CSMD1: variants seen among roughly 807,000 people sequenced by gnomAD.
CSMD1 encodes the protein CUB and sushi domain-containing protein 1.
A neutral mutation model predicts 417.5 loss-of-function variants in CSMD1; 213 were observed. The ratio of observed to expected loss-of-function variants is 0.51; its 90% CI spans 0.46 to 0.57. The LOEUF is 0.57. CSMD1 is among the 20% of genes least tolerant of loss of function. The pLI is 0.00. For synonymous variants in CSMD1, 2,862 were observed against 1,736.8 expected (o/e 1.65, Z -16.11); for missense variants, 6,923 against 4,529.7 (o/e 1.53, Z -15.17).
At chr8:3,944,667 G>C (rs986922888) in intron 5 of CSMD1, among the ~76,000 whole-genome samples, 2 of 152,214 alleles carry the variant, frequency 1.3e-5, no homozygotes, top group African/African-American at 2.4e-5. Context: ...TTGGGGAATG[G>C]TGGGAAATAA....
At chr8:4,028,819 C>A (rs1797197220) in intron 4 of CSMD1, among the ~76,000 whole-genome samples, 1 of 152,118 alleles carries the variant, frequency 6.6e-6, no homozygotes, top group African/African-American at 2.4e-5. Context: ...TCATTAAGAC[C>A]TCAATAAATG....
intron 2 of CSMD1, among the ~76,000 whole-genome samples, chr8:4,613,848 GCTGT>G (rs1192286952): frequency 1.0e-4 from 14 of 135,110 alleles, no homozygotes; most frequent in South Asian, 2.5e-4. Flanking sequence ...AAAGCAGAAG[GCTGT>G]CTAATGCCAA....
intron 17 of CSMD1, among the ~76,000 whole-genome samples, chr8:3,395,041 C>G (rs1231696721): frequency 6.6e-6 from 1 of 151,922 alleles, no homozygotes; most frequent in African/African-American, 2.4e-5. Context: ...TTTAAATGTG[C>G]TGGAGTGGGG....
At chr8:4,426,896 C>T (rs1228789229) in intron 2 of CSMD1, among the ~76,000 whole-genome samples, 1 of 151,508 alleles carries the variant, frequency 6.6e-6, no homozygotes, top group African/African-American at 2.4e-5. Context: ...TATCAGATGT[C>T]AGGTGTTTCA....
At chr8:4,237,456 G>A (rs1013241739) in intron 3 of CSMD1, among the ~76,000 whole-genome samples, 1 of 152,092 alleles carries the variant, frequency 6.6e-6, no homozygotes, top group African/African-American at 2.4e-5. Flanking sequence ...AACGGTAAGA[G>A]CTTTGAAGTG....
chr8:3,687,638 G>C (rs1585077007), intron 7 of CSMD1, among the ~76,000 whole-genome samples: 1 of 152,146 alleles, frequency 6.6e-6, no homozygotes, highest in Non-Finnish European at 1.5e-5. Context: ...CTGTGCCCTT[G>C]TTCATTTGTG....
chr8:4,403,235 A>C (rs577784716), intron 3 of CSMD1, among the ~76,000 whole-genome samples: 3 of 152,302 alleles, frequency 2.0e-5, no homozygotes, highest in African/African-American at 7.2e-5. Flanking sequence ...GAATATAAAG[A>C]TCATTTCTCC....
intron 5 of CSMD1, among the ~76,000 whole-genome samples, chr8:3,876,171 G>T (rs1449201318): frequency 1.3e-5 from 2 of 152,142 alleles, no homozygotes; most frequent in Non-Finnish European, 2.9e-5. Flanking sequence ...CATGTTTTGT[G>T]AAGGAAACTC....
chr8:3,897,430 T>TTTAATTCAA (rs1563189019), intron 5 of CSMD1, among the ~76,000 whole-genome samples: 1 of 152,218 alleles, frequency 6.6e-6, no homozygotes, highest in Non-Finnish European at 1.5e-5. Flanking sequence ...GTTATTAACT[T>TTTAATTCAA]TTAATTCAAT....
intron 3 of CSMD1, among the ~76,000 whole-genome samples, chr8:4,190,817 G>A (rs1798982041): frequency 2.6e-5 from 4 of 151,992 alleles, no homozygotes; most frequent in African/African-American, 9.7e-5. Context: ...ATGGAGCTGG[G>A]GGCCATTACC....
intron 68 of CSMD1, among the ~76,000 whole-genome samples, chr8:2,948,764 CA>C (rs1342961874): frequency 2.0e-5 from 3 of 152,020 alleles, no homozygotes; most frequent in Non-Finnish European, 4.4e-5. Context: ...GTTGGATGAA[CA>C]AAGTACTGAC....
chr8:4,706,605 G>A (rs1004610264), intron 1 of CSMD1, among the ~76,000 whole-genome samples: 13 of 152,214 alleles, frequency 8.5e-5, no homozygotes, highest in Non-Finnish European at 1.6e-4. Context: ...TATTTAGGAA[G>A]TGTCTAGTTA....
At chr8:4,310,431 T>C (rs1358233350) in intron 3 of CSMD1, among the ~76,000 whole-genome samples, 1 of 152,210 alleles carries the variant, frequency 6.6e-6, no homozygotes, top group Non-Finnish European at 1.5e-5. Context: ...TCAACAAAGA[T>C]AAATTGTGCA....
intron 5 of CSMD1, among the ~76,000 whole-genome samples, chr8:3,778,622 C>G (rs1386308446): frequency 6.6e-6 from 1 of 152,154 alleles, no homozygotes; most frequent in Non-Finnish European, 1.5e-5. Context: ...TGTTCTGCAC[C>G]TCTCCTTCCT....
At chr8:4,293,567 A>G (rs1008335214) in intron 3 of CSMD1, among the ~76,000 whole-genome samples, 3 of 152,340 alleles carry the variant, frequency 2.0e-5, no homozygotes, top group African/African-American at 4.8e-5. Context: ...TATCTTCCAA[A>G]TTAGGCACAA....
intron 1 of CSMD1, among the ~76,000 whole-genome samples, chr8:4,890,078 A>G (rs1227252255): frequency 2.0e-5 from 3 of 152,174 alleles, no homozygotes; most frequent in African/African-American, 4.8e-5. Context: ...CAATCAGTTT[A>G]TACGTCAGAA....
chr8:3,616,849 C>T (rs960630674), intron 7 of CSMD1, 52 bp from the exon 8 acceptor site: 1 of 1,294,962 alleles, frequency 7.7e-7, no homozygotes. Flanking sequence ...TGAGGAAATA[C>T]CCAGATAAAA....
chr8:3,074,517 G>A (rs915195955), intron 49 of CSMD1, among the ~76,000 whole-genome samples: 1 of 152,218 alleles, frequency 6.6e-6, no homozygotes, highest in Admixed American at 6.5e-5. Context: ...CTGTAGTGGA[G>A]CAGCCTATTT....
intron 3 of CSMD1, among the ~76,000 whole-genome samples, chr8:4,317,179 T>A (rs1176276292): frequency 3.9e-5 from 6 of 152,232 alleles, no homozygotes; most frequent in African/African-American, 1.4e-4. Context: ...TTTTACAGTT[T>A]ATAAAGCAGC....
Sources: allele counts gnomAD v4.1 joint callset (sites outside exome capture counted in the v4.1 genomes callset), GRCh38; gene constraint gnomAD v4.1.1; transcripts MANE v1.5; gene names NCBI Gene and HGNC (gene_info 2026-07-23, HGNC 2026-07-21).